HIPK2: variants seen among roughly 807,000 people sequenced by gnomAD.
HIPK2 encodes the protein homeodomain interacting protein kinase 2.
Under a neutral mutation model 113.7 loss-of-function variants are expected in HIPK2, and 27 were observed. That is an observed-to-expected ratio of 0.24 (90% confidence interval 0.17 to 0.33). The LOEUF (loss-of-function observed/expected upper bound fraction) is 0.33, where lower values mean the gene tolerates loss of function less well. Ranked by LOEUF, HIPK2 falls within the 10% of genes least tolerant of loss-of-function variation. The probability of loss-of-function intolerance (pLI) is 1.00; values close to 1 mark genes in which losing one functional copy is unlikely to be tolerated. For synonymous variants in HIPK2, 631 were observed against 642.2 expected, an observed-to-expected ratio of 0.98 and a Z score of 0.26; for missense variants, 1,257 against 1,588.0, an observed-to-expected ratio of 0.79 and a Z score of 3.54.
intron 2 of HIPK2, among the ~76,000 whole-genome samples, chr7:139,688,060 GC>G (rs975913721): frequency 3.6e-4 from 54 of 152,086 alleles, no homozygotes; most frequent in Admixed American, 3.2e-3. Flanking sequence ...CACACAGGCA[GC>G]CCATTGGGCC....
chr7:139,731,716 C>A (rs1795788743), intron 1 of HIPK2, among the ~76,000 whole-genome samples: 1 of 152,142 alleles, frequency 6.6e-6, no homozygotes, highest in Non-Finnish European at 1.5e-5. Context: ...TGCAGATAAC[C>A]CTTTCCCCCA....
chr7:139,601,606 A>G (rs549467212), intron 10 of HIPK2, among the ~76,000 whole-genome samples: 4 of 152,350 alleles, frequency 2.6e-5, no homozygotes, highest in South Asian at 2.1e-4. Context: ...ATCAAAATTA[A>G]TAACAGTCAT....
At chr7:139,596,567 A>G (rs1275534203) in intron 12 of HIPK2, 150 bp downstream of exon 12, 2 of 1,012,334 alleles carry the variant, frequency 2.0e-6, no homozygotes, top group East Asian at 2.5e-5. Flanking sequence ...TTCCCTTGAA[A>G]TAACTTTAGG....
intron 2 of HIPK2, among the ~76,000 whole-genome samples, chr7:139,662,617 C>CTT (rs373566905): frequency 5.3e-4 from 71 of 133,620 alleles, no homozygotes; most frequent in Non-Finnish European, 8.6e-4. Flanking sequence ...TAAAACACCA[C>CTT]TTTTTTTTTT....
chr7:139,573,056 G>A lies in HIPK2; in HGVS notation c.3468C>T (p.Pro1156=), dbSNP rs766666095. Residue 1156 remains proline (P), a synonymous_variant, in exon 15 of 15, where the codon CCC becomes CCT. Coordinates refer to ENST00000406875, the MANE Select transcript of HIPK2 (RefSeq NM_022740.5). The part of the protein sequence containing the change: ...VSMGPRVLPS[P]TIHPSQYPAQ... ...CTGGATACTGACTCGGGTGGATGGT[G>A]GGCGAGGGCAGGACCCGGGGGCCCA... The A allele has an allele frequency of 1.2e-6, 2 of 1,612,324 alleles. No individual in the cohort carries two copies. Among genetic ancestry groups the A allele is most frequent in the South Asian group, 1.1e-5 (1 of 90,724 alleles).
At chr7:139,625,250 C>T (rs1477094736) in intron 6 of HIPK2, among the ~76,000 whole-genome samples, 3 of 152,226 alleles carry the variant, frequency 2.0e-5, no homozygotes, top group African/African-American at 7.2e-5. Context: ...GCTATTTCTT[C>T]ACCTCTCACT....
At chr7:139,579,746 A>G (rs1271732957) in intron 13 of HIPK2, among the ~76,000 whole-genome samples, 1 of 151,894 alleles carries the variant, frequency 6.6e-6, no homozygotes, top group Non-Finnish European at 1.5e-5. Context: ...GTGAAGGGTG[A>G]GCTGCCGCAG....
intron 2 of HIPK2, among the ~76,000 whole-genome samples, chr7:139,672,751 C>T (rs369215993): frequency 1.1e-3 from 171 of 152,288 alleles, no homozygotes; most frequent in African/African-American, 3.7e-3. Flanking sequence ...TGAGCCACCG[C>T]GCCTGGCCAC....
chr7:139,713,824 C>T (rs1218809666), intron 2 of HIPK2, among the ~76,000 whole-genome samples: 1 of 152,208 alleles, frequency 6.6e-6, no homozygotes, highest in African/African-American at 2.4e-5. Flanking sequence ...CACCAGCTAG[C>T]CCCCAATGGG....
At chr7:139,760,877 G>A (rs1040855268) in intron 1 of HIPK2, among the ~76,000 whole-genome samples, 5 of 152,172 alleles carry the variant, frequency 3.3e-5, no homozygotes, top group Non-Finnish European at 7.3e-5. Context: ...TACAAGATGA[G>A]CTTGGGGCAT....
intron 12 of HIPK2, among the ~76,000 whole-genome samples, chr7:139,591,517 C>A (rs1004196281): frequency 2.0e-5 from 3 of 152,154 alleles, no homozygotes; most frequent in African/African-American, 7.2e-5. Context: ...AAGCAAGGAG[C>A]AAACCAGGAA....
At chr7:139,582,975 A>G (rs1798716767) in intron 13 of HIPK2, among the ~76,000 whole-genome samples, 1 of 152,374 alleles carries the variant, frequency 6.6e-6, no homozygotes, top group South Asian at 2.1e-4. Flanking sequence ...GGTGACAGAC[A>G]TGAGGTCCTC....
At chr7:139,659,184 C>T (rs911823672) in intron 2 of HIPK2, among the ~76,000 whole-genome samples, 20 of 152,116 alleles carry the variant, frequency 1.3e-4, no homozygotes, top group African/African-American at 4.3e-4. Flanking sequence ...TTTTCTATGC[C>T]GCTTGTGTCC....
At chr7:139,728,206 G>C (rs980773045) in intron 1 of HIPK2, among the ~76,000 whole-genome samples, 1 of 152,008 alleles carries the variant, frequency 6.6e-6, no homozygotes, top group Non-Finnish European at 1.5e-5. Context: ...CACTCTCAAG[G>C]TGCTGGGATT....
At chr7:139,686,305 T>C (rs1411278596) in intron 2 of HIPK2, among the ~76,000 whole-genome samples, 2 of 152,208 alleles carry the variant, frequency 1.3e-5, no homozygotes, top group African/African-American at 2.4e-5. Flanking sequence ...TTGCTTCTTA[T>C]GAACGAGCAA....
intron 2 of HIPK2, among the ~76,000 whole-genome samples, chr7:139,696,224 C>T (rs1321464103): frequency 6.6e-6 from 1 of 151,980 alleles, no homozygotes; most frequent in Admixed American, 6.6e-5. Context: ...TATATAAAGG[C>T]CTGTGACAAT....
chr7:139,671,765 T>C (rs1802310754), intron 2 of HIPK2, among the ~76,000 whole-genome samples: 1 of 152,192 alleles, frequency 6.6e-6, no homozygotes, highest in Non-Finnish European at 1.5e-5. Flanking sequence ...TTGGCCAGGC[T>C]GGTCTCGAAC....
Position 139,621,666 on chromosome 7 carries a change from C to T in HIPK2, c.1620-1103G>A, listed in dbSNP as rs928029208. On this transcript the variant is annotated intron_variant, in intron 6 of 14. Transcript: ENST00000406875. ...CTTTTAGTCTGGGTGGGGTGGCTCA[C>T]GCCTTAATCCCAGCACTTTGGGAGG... Among the ~76,000 whole-genome samples, 14 of 152,198 alleles carry T rather than the reference C, an allele frequency of 9.2e-5. No individual in the cohort carries two copies. The South Asian group carries it at 2.5e-3, about 27-fold the overall frequency.
Position 139,620,522 on chromosome 7 carries a change from C to T in HIPK2, c.1661G>A (p.Arg554Gln), listed in dbSNP as rs780898575. The T allele has an allele frequency of 1.0e-4, 164 of 1,613,982 alleles. No homozygotes were observed. The highest frequency in any genetic ancestry group is 1.3e-4 in the Non-Finnish European group (151 of 1,180,034). The stretch of plus-strand genomic sequence containing the variant: ...GTTCACCGTGTCATACATATTCACC[C>T]GACGCTTGCAGATCTCCATGTTCTG... ...CFQNMEICKR[R>Q]VNMYDTVNQS... Residue 554 changes from arginine to glutamine, a missense_variant, in exon 7 of 15, where the codon CGG (arginine) becomes CAG (glutamine). Physicochemically the swap from Arg to Gln is conservative, Grantham distance 43. Coordinates refer to ENST00000406875, the MANE Select transcript of HIPK2 (RefSeq NM_022740.5).
Sources: gnomAD v4.1 joint callset for allele counts (sites outside exome capture counted in the v4.1 genomes callset) on GRCh38, gnomAD v4.1.1 for gene constraint, MANE v1.5 for transcripts, NCBI Gene and HGNC (gene_info 2026-07-23, HGNC 2026-07-21) for gene names.